The following ABHD12 variants were observed in gnomAD, a reference collection of about 807,000 sequenced individuals.
ABHD12 encodes abhydrolase domain containing 12, lysophospholipase, also known as lysophosphatidylserine lipase ABHD12.
ABHD12 carries 43 observed loss-of-function variants against 58.3 expected under a neutral mutation model. That is an observed-to-expected ratio of 0.74 (90% confidence interval 0.58 to 0.95). The LOEUF is 0.95. Ranked by LOEUF, ABHD12 falls within the 40% of genes least tolerant of loss-of-function variation. The pLI is 0.00. For missense variants in ABHD12, 539 were observed against 537.2 expected (o/e 1.00, Z -0.03); for synonymous variants, 219 against 211.2 (o/e 1.04, Z -0.32).
chr20:25,317,682 C>T (rs1395716249), intron 4 of ABHD12, among the ~76,000 whole-genome samples: 1 of 152,272 alleles, frequency 6.6e-6, no homozygotes, highest in Non-Finnish European at 1.5e-5. Context: ...GCCGGAACGG[C>T]TGCCTCCCGC....
At chr20:25,363,619 C>T (rs1270419224) in intron 1 of ABHD12, among the ~76,000 whole-genome samples, 2 of 151,978 alleles carry the variant, frequency 1.3e-5, no homozygotes, top group African/African-American at 2.4e-5. Context: ...GTAATCTCAG[C>T]GTTTTGGGAG....
At chr20:25,316,609 C>T (rs2088966405) in intron 5 of ABHD12, among the ~76,000 whole-genome samples, 1 of 152,234 alleles carries the variant, frequency 6.6e-6, no homozygotes, top group Non-Finnish European at 1.5e-5. Flanking sequence ...TGGGCAGTCA[C>T]AGCAGAGGCA....
intron 1 of ABHD12, among the ~76,000 whole-genome samples, chr20:25,363,826 T>C (rs536453147): frequency 3.4e-4 from 52 of 151,980 alleles, no homozygotes; most frequent in African/African-American, 1.1e-3. Context: ...GATTGCGCCA[T>C]TGCACTCCAG....
At chr20:25,379,371 C>T (rs1364182280) in intron 1 of ABHD12, among the ~76,000 whole-genome samples, 1 of 152,224 alleles carries the variant, frequency 6.6e-6, no homozygotes, top group Non-Finnish European at 1.5e-5. Flanking sequence ...CCTCTGCCCT[C>T]CTAGCAGATG....
intron 3 of ABHD12, among the ~76,000 whole-genome samples, chr20:25,320,957 C>T (rs1240702192): frequency 2.0e-5 from 3 of 152,286 alleles, no homozygotes; most frequent in East Asian, 1.9e-4. Context: ...CAGGCCACAT[C>T]GAATACTGTT....
At chr20:25,348,163 T>C (rs1170120889) in intron 1 of ABHD12, among the ~76,000 whole-genome samples, 2 of 151,026 alleles carry the variant, frequency 1.3e-5, no homozygotes, top group East Asian at 3.9e-4. Context: ...TAAGCCGAGA[T>C]GGCGCCACTG....
chr20:25,332,270 T>C (rs1215571350), intron 2 of ABHD12, among the ~76,000 whole-genome samples: 17 of 151,192 alleles, frequency 1.1e-4, no homozygotes, highest in African/African-American at 4.1e-4. Flanking sequence ...CCTAAATATA[T>C]ATGCACCCAA....
At chr20:25,378,922 C>G (rs937021069) in intron 1 of ABHD12, among the ~76,000 whole-genome samples, 1 of 152,188 alleles carries the variant, frequency 6.6e-6, no homozygotes, top group Non-Finnish European at 1.5e-5. Context: ...ATCCGCTAAA[C>G]TTATCACAAG....
chr20:25,336,645 A>G (rs954421220), intron 2 of ABHD12, among the ~76,000 whole-genome samples: 4 of 152,186 alleles, frequency 2.6e-5, no homozygotes, highest in African/African-American at 9.7e-5. Context: ...GCAGACAGGC[A>G]CAGACCTGTA....
chr20:25,366,497 C>A (rs1185908300), intron 1 of ABHD12, among the ~76,000 whole-genome samples: 1 of 152,108 alleles, frequency 6.6e-6, no homozygotes, highest in Admixed American at 6.6e-5. Context: ...AACTCCCGAC[C>A]TCAGTTGATC....
chr20:25,336,733 G>T (rs549898715), intron 2 of ABHD12, among the ~76,000 whole-genome samples: 6 of 152,184 alleles, frequency 3.9e-5, no homozygotes, highest in African/African-American at 1.2e-4. Context: ...CCTCCCAAAG[G>T]GGGAGACAGA....
At chr20:25,301,471 G>A (rs930015946) in intron 12 of ABHD12, among the ~76,000 whole-genome samples, 8 of 152,334 alleles carry the variant, frequency 5.3e-5, no homozygotes, top group South Asian at 2.1e-4. Context: ...CAGCCCCTCC[G>A]TGGGTCCAGT....
intron 1 of ABHD12, among the ~76,000 whole-genome samples, chr20:25,347,681 T>G (rs2089538214): frequency 6.6e-6 from 1 of 151,632 alleles, no homozygotes; most frequent in African/African-American, 2.4e-5. Flanking sequence ...AAATTAAAAA[T>G]TAGCTGGGCA....
At chr20:25,295,781 G>A, downstream of ABHD12, 1 of 1,253,220 alleles carries the variant, frequency 8.0e-7, no homozygotes. Flanking sequence ...CTGGGCCAGA[G>A]GGGTTTGTGA....
chr20:25,326,441 C>T (rs1419264357), intron 2 of ABHD12, among the ~76,000 whole-genome samples: 1 of 152,032 alleles, frequency 6.6e-6, no homozygotes, highest in African/African-American at 2.4e-5. Context: ...CCCAGGAGGC[C>T]CAAGTTATTT....
chr20:25,357,098 C>A (rs929408435), intron 1 of ABHD12, among the ~76,000 whole-genome samples: 4 of 152,152 alleles, frequency 2.6e-5, no homozygotes, highest in African/African-American at 9.7e-5. Flanking sequence ...TCAATGCCCC[C>A]TTAATCCTGC....
intron 1 of ABHD12, among the ~76,000 whole-genome samples, chr20:25,381,015 T>C (rs2090015641): frequency 6.6e-6 from 1 of 152,204 alleles, no homozygotes; most frequent in Non-Finnish European, 1.5e-5. Context: ...TGCCTCTTCT[T>C]ATCTCCACAG....
intron 1 of ABHD12, among the ~76,000 whole-genome samples, chr20:25,381,912 C>G (rs1008182725): frequency 5.3e-5 from 8 of 152,278 alleles, no homozygotes; most frequent in Non-Finnish European, 1.2e-4. Context: ...CCTGCCTCGG[C>G]CTCCCAAAGT....
chr20:25,307,619 C>CA (rs1245305993), intron 9 of ABHD12, among the ~76,000 whole-genome samples: 1 of 152,240 alleles, frequency 6.6e-6, no homozygotes, highest in African/African-American at 2.4e-5. Context: ...TCCAGCCCCC[C>CA]AAGCACTGTC....
Sources: allele counts gnomAD v4.1 joint callset (sites outside exome capture counted in the v4.1 genomes callset), GRCh38; gene constraint gnomAD v4.1.1; transcripts MANE v1.5; gene names NCBI Gene and HGNC (gene_info 2026-07-23, HGNC 2026-07-21).